The following SLCO5A1 variants were observed in gnomAD, a reference collection of about 807,000 sequenced individuals.
SLCO5A1 encodes the protein solute carrier organic anion transporter family member 5A1.
In SLCO5A1, 39 loss-of-function variants were observed where a neutral mutation model predicts 65.1. That is an observed-to-expected ratio of 0.60 (90% CI 0.46 to 0.78). The LOEUF (loss-of-function observed/expected upper bound fraction) is 0.78, where lower values mean the gene tolerates loss of function less well. Among genes scored for constraint, SLCO5A1 ranks in the 30% least tolerant of loss-of-function variants. The pLI, the probability that SLCO5A1 is intolerant of heterozygous loss-of-function variation, is 0.00. For synonymous variants in SLCO5A1, 438 were observed against 415.7 expected (o/e 1.05, Z -0.65); for missense variants, 1,029 against 1,069.4 (o/e 0.96, Z 0.53).
chr8:69,715,430 A>T (rs962809864), intron 5 of SLCO5A1, among the ~76,000 whole-genome samples: 1 of 152,224 alleles, frequency 6.6e-6, no homozygotes, highest in Non-Finnish European at 1.5e-5. Flanking sequence ...TCTGGGCAAG[A>T]TCCATTTTCT....
chr8:69,694,107 A>G lies in SLCO5A1; in HGVS notation c.1622+10924T>C, dbSNP rs552539258. Among the ~76,000 whole-genome samples, 36 of 152,316 alleles carry G rather than the reference A, an allele frequency of 2.4e-4. No individual in the cohort carries two copies. In the South Asian group the frequency reaches 4.3e-3, roughly 18 times the overall value. ...GTATTGAGAAGTAGATACATCCCCA[A>G]TAGCTCATTCAGCAAGAAGGTTGTG... is the stretch of plus-strand genomic sequence containing the variant. On this transcript the variant is annotated intron_variant, in intron 6 of 9. Transcript: ENST00000260126.
chr8:69,784,914 G>GAA (rs1196989488), intron 2 of SLCO5A1, among the ~76,000 whole-genome samples: 1 of 103,032 alleles, frequency 9.7e-6, no homozygotes, highest in Non-Finnish European at 2.0e-5. Context: ...AAGAAAGAAA[G>GAA]AAAGAAAGAA....
At chr8:69,703,737 C>A (rs771830240) in intron 6 of SLCO5A1, among the ~76,000 whole-genome samples, 6 of 152,158 alleles carry the variant, frequency 3.9e-5, no homozygotes, top group South Asian at 2.1e-4. Context: ...GATTCTACTG[C>A]GAAATTCTAA....
At chr8:69,706,394 G>A (rs1251036862) in intron 5 of SLCO5A1, among the ~76,000 whole-genome samples, 1 of 152,178 alleles carries the variant, frequency 6.6e-6, no homozygotes, top group Non-Finnish European at 1.5e-5. Flanking sequence ...CATGACCTGG[G>A]TAATAGTTAC....
intron 2 of SLCO5A1, chr8:69,773,080 C>A: frequency 2.0e-6 from 1 of 491,664 alleles, no homozygotes; most frequent in Non-Finnish European, 2.6e-6. Flanking sequence ...GGCAAAGGCA[C>A]ACAGATTTGA....
At chr8:69,683,812 T>A (rs184780828) in intron 6 of SLCO5A1, among the ~76,000 whole-genome samples, 1 of 152,240 alleles carries the variant, frequency 6.6e-6, no homozygotes, top group Non-Finnish European at 1.5e-5. Flanking sequence ...CCACTCCCCC[T>A]TGGCCTCCCA....
intron 6 of SLCO5A1, among the ~76,000 whole-genome samples, chr8:69,691,813 T>A (rs2130798730): frequency 6.6e-6 from 1 of 152,326 alleles, no homozygotes; most frequent in African/African-American, 2.4e-5. Flanking sequence ...TGGTCTAGCC[T>A]ACTATACTCC....
intron 2 of SLCO5A1, among the ~76,000 whole-genome samples, chr8:69,793,634 C>G (rs1473892749): frequency 1.3e-5 from 2 of 151,762 alleles, no homozygotes. Context: ...AAAAATTAAC[C>G]GGGTGTGGTG....
intron 4 of SLCO5A1, among the ~76,000 whole-genome samples, chr8:69,742,631 G>A (rs760207181): frequency 2.0e-5 from 3 of 152,034 alleles, no homozygotes; most frequent in East Asian, 1.9e-4. Context: ...GGTGCATATC[G>A]ATGACAGTAT....
Position 69,672,674 on chromosome 8 carries a change from A to C in SLCO5A1, c.*195T>G. The C allele has an allele frequency of 1.7e-6, 1 of 605,350 alleles. No individual in the cohort carries two copies. Among genetic ancestry groups the C allele is most frequent in the Non-Finnish European group, 2.8e-6 (1 of 351,534 alleles). The allele number at this position is 605,350 out of a possible 1,614,324, so 37.5% of individuals were successfully genotyped here. On this transcript the variant is annotated 3_prime_UTR_variant, in exon 10 of 10. Transcript: ENST00000260126. ...GCTGAACGTCTCCTTCTTGGAGAGA[A>C]GCGGGGAAAGGCTCTCAGTCTTGTT... is the stretch of plus-strand genomic sequence containing the variant.
chr8:69,794,138 C>A, intron 2 of SLCO5A1: 1 of 233,210 alleles, frequency 4.3e-6, no homozygotes, highest in Middle Eastern at 5.2e-4. Flanking sequence ...AGAAACAGAA[C>A]AGGTGGCAGG....
At chr8:69,735,997 AAT>A (rs1340144289) in intron 5 of SLCO5A1, among the ~76,000 whole-genome samples, 1 of 152,234 alleles carries the variant, frequency 6.6e-6, no homozygotes, top group East Asian at 1.9e-4. Flanking sequence ...GTGACCTGGA[AAT>A]AAAAAGCTTT....
chr8:69,733,165 A>T (rs1297498196), intron 5 of SLCO5A1, among the ~76,000 whole-genome samples: 1 of 152,206 alleles, frequency 6.6e-6, no homozygotes. Context: ...CATCGTTATT[A>T]TTACAGAAAT....
intron 5 of SLCO5A1, among the ~76,000 whole-genome samples, chr8:69,726,536 G>A (rs1377098195): frequency 7.7e-6 from 1 of 130,176 alleles, no homozygotes; most frequent in Non-Finnish European, 1.5e-5. Context: ...GTCTCACTCT[G>A]TTGCCCAGGC....
rs778234867 is a variant in SLCO5A1 at position 69,671,375 on chromosome 8, A to G, written c.*1494T>C. On this transcript the variant is annotated 3_prime_UTR_variant, in exon 10 of 10. Coordinates refer to ENST00000260126, the MANE Select transcript of SLCO5A1 (RefSeq NM_030958.3). The stretch of plus-strand genomic sequence containing the variant: ...AGAAGAGAAAAACATTTCCCTAATT[A>G]GCCCTCCATGACCATAGGCTCCTTG... 8 of 152,214 alleles carry G rather than the reference A, an allele frequency of 5.3e-5. No homozygotes were observed. Among genetic ancestry groups the G allele is most frequent in the Non-Finnish European group, 1.0e-4 (7 of 68,040 alleles). The allele number at this position is 152,214 out of a possible 1,614,324, so 9.4% of individuals were successfully genotyped here. A position where few individuals can be genotyped will look rare whatever the true frequency, so the allele number is the denominator to read the frequency against.
chr8:69,715,795 G>T (rs752912543), intron 5 of SLCO5A1, among the ~76,000 whole-genome samples: 1 of 152,080 alleles, frequency 6.6e-6, no homozygotes, highest in Non-Finnish European at 1.5e-5. Flanking sequence ...GACATATTGT[G>T]TTTCTTTTTT....
intron 4 of SLCO5A1, among the ~76,000 whole-genome samples, chr8:69,753,878 C>T (rs1468282612): frequency 7.3e-5 from 11 of 151,398 alleles, no homozygotes; most frequent in East Asian, 5.8e-4. Context: ...ATTAGCTGGC[C>T]GTGGGCGGGC....
At chr8:69,696,435 G>A (rs1814502192) in intron 6 of SLCO5A1, among the ~76,000 whole-genome samples, 1 of 152,192 alleles carries the variant, frequency 6.6e-6, no homozygotes, top group Non-Finnish European at 1.5e-5. Flanking sequence ...GTGAGATGTG[G>A]AGAAAAAACT....
intron 6 of SLCO5A1, among the ~76,000 whole-genome samples, chr8:69,697,255 T>C (rs992217047): frequency 6.6e-6 from 1 of 152,126 alleles, no homozygotes; most frequent in Non-Finnish European, 1.5e-5. Flanking sequence ...CCAGGCATGG[T>C]GGCTCATGCC....
Sources: allele counts gnomAD v4.1 joint callset (sites outside exome capture counted in the v4.1 genomes callset), GRCh38; gene constraint gnomAD v4.1.1; transcripts MANE v1.5; gene names NCBI Gene and HGNC (gene_info 2026-07-23, HGNC 2026-07-21).